Variants in GNG2 observed in about 807,000 individuals in gnomAD.
GNG2 encodes guanine nucleotide-binding protein G(I)/G(S)/G(O) subunit gamma-2.
In GNG2, 5 loss-of-function variants were observed where a neutral mutation model predicts 5.5. The ratio of observed to expected loss-of-function variants is 0.91; its 90% CI spans 0.48 to 1.92. The LOEUF is 1.92. Among genes scored for constraint, GNG2 ranks in the 30% most tolerant of loss-of-function variants. The pLI, the probability that GNG2 is intolerant of heterozygous loss-of-function variation, is 0.01. For missense variants in GNG2, 55 were observed against 88.4 expected (o/e 0.62, Z 1.52); for synonymous variants, 28 against 32.0 (o/e 0.88, Z 0.42).
At chr14:51,858,174 T>C (rs1882248592), upstream of GNG2, among the ~76,000 whole-genome samples, 1 of 151,288 alleles carries the variant, frequency 6.6e-6, no homozygotes, top group Admixed American at 6.6e-5. Context: ...AAACTTGGTA[T>C]GCAAACTTGT....
At position 51,957,514 on chromosome 14, in the gene GNG2, T is replaced by C. The variant is rs78301624; in HGVS notation, c.87+6749T>C. Reference sequence around the variant, plus strand: ...ACAATTTTGTTTTCTCCTGAGCCAGTTGAGAATAAGTTGTCAAAAGATGTC... The same window carrying C: ...ACAATTTTGTTTTCTCCTGAGCCAGCTGAGAATAAGTTGTCAAAAGATGTC... On this transcript the variant is annotated intron_variant, in intron 3 of 3. Transcript: ENST00000556766. 1.9e-3 allele frequency among the ~76,000 whole-genome samples: 292 copies of C among 152,308 alleles called. 1 individual carries two copies. The highest frequency in any genetic ancestry group is 6.7e-3 in the African/African-American group (277 of 41,568).
intron 2 of GNG2, among the ~76,000 whole-genome samples, chr14:51,834,452 C>T (rs1399366920): frequency 2.0e-5 from 3 of 152,148 alleles, no homozygotes; most frequent in Non-Finnish European, 4.4e-5. Flanking sequence ...GCTTGTCGAC[C>T]AGCTGGGAGA....
At chr14:51,917,078 G>C (rs1283959197) in intron 2 of GNG2, among the ~76,000 whole-genome samples, 1 of 152,194 alleles carries the variant, frequency 6.6e-6, no homozygotes, top group Admixed American at 6.5e-5. Flanking sequence ...GTGGCTAGAG[G>C]GGAGGATGTA....
intron 3 of GNG2, among the ~76,000 whole-genome samples, chr14:51,955,953 G>A (rs1328712675): frequency 6.6e-6 from 1 of 152,190 alleles, no homozygotes; most frequent in Non-Finnish European, 1.5e-5. Context: ...GAACCCTGTA[G>A]TGAGAAATGG....
At chr14:51,850,091 G>A (rs567437130) in intron 2 of GNG2, among the ~76,000 whole-genome samples, 1 of 152,192 alleles carries the variant, frequency 6.6e-6, no homozygotes, top group Admixed American at 6.5e-5. Context: ...ACTAATCACG[G>A]AATTAAAACT....
At chr14:51,873,573 T>C (rs2140126135) in intron 1 of GNG2, among the ~76,000 whole-genome samples, 1 of 152,366 alleles carries the variant, frequency 6.6e-6, no homozygotes, top group Non-Finnish European at 1.5e-5. Context: ...GTGTTGGATA[T>C]TGTGGTTCAC....
chr14:51,911,956 G>A (rs1343502473), intron 2 of GNG2, among the ~76,000 whole-genome samples: 1 of 148,046 alleles, frequency 6.8e-6, no homozygotes, highest in African/African-American at 2.5e-5. Flanking sequence ...ATGAAAAAAA[G>A]TATAGCTAAT....
chr14:51,855,121 A>G (rs1882094658), intron 2 of GNG2, among the ~76,000 whole-genome samples: 1 of 152,206 alleles, frequency 6.6e-6, no homozygotes, highest in Admixed American at 6.5e-5. Flanking sequence ...ACACATGTAT[A>G]CATATATGTG....
chr14:51,852,155 C>T (rs1283692694), intron 2 of GNG2, among the ~76,000 whole-genome samples: 1 of 152,128 alleles, frequency 6.6e-6, no homozygotes, highest in East Asian at 1.9e-4. Flanking sequence ...GAGCCTGTAA[C>T]TCACTCTTTT....
At chr14:51,852,270 A>G (rs1174260008) in intron 2 of GNG2, among the ~76,000 whole-genome samples, 2 of 152,224 alleles carry the variant, frequency 1.3e-5, no homozygotes, top group Non-Finnish European at 2.9e-5. Flanking sequence ...AAAGAGCCCT[A>G]CAGAAACTTG....
At chr14:51,932,460 A>G (rs1887725645) in intron 2 of GNG2, among the ~76,000 whole-genome samples, 2 of 151,996 alleles carry the variant, frequency 1.3e-5, no homozygotes, top group African/African-American at 4.8e-5. Flanking sequence ...AACTCATAGA[A>G]ACAGGAAATA....
intron 2 of GNG2, among the ~76,000 whole-genome samples, chr14:51,927,382 A>G (rs552015269): frequency 3.2e-4 from 48 of 152,342 alleles, no homozygotes; most frequent in Middle Eastern, 3.4e-3. Context: ...GAGGGAGTGC[A>G]CTGAGCTTTG....
intron 2 of GNG2, among the ~76,000 whole-genome samples, chr14:51,840,424 A>G (rs1881450340): frequency 6.6e-6 from 1 of 152,114 alleles, no homozygotes. Flanking sequence ...CTCCCTCTTT[A>G]TTGGGCAGAG....
intron 2 of GNG2, among the ~76,000 whole-genome samples, chr14:51,840,325 C>G (rs749969988): frequency 3.3e-5 from 5 of 152,188 alleles, no homozygotes; most frequent in Non-Finnish European, 5.9e-5. Flanking sequence ...TTCTGTCAAT[C>G]ATGTCCCCTG....
chr14:51,960,499 A>C (rs1889543793), intron 3 of GNG2, among the ~76,000 whole-genome samples: 1 of 147,924 alleles, frequency 6.8e-6, no homozygotes, highest in African/African-American at 2.5e-5. Flanking sequence ...TTTCATGTCT[A>C]CATATTTGAT....
intron 2 of GNG2, among the ~76,000 whole-genome samples, chr14:51,927,554 C>T (rs961575721): frequency 6.6e-6 from 1 of 152,206 alleles, no homozygotes; most frequent in Non-Finnish European, 1.5e-5. Context: ...GTACAAATCA[C>T]ACCATGTTGA....
intron 2 of GNG2, among the ~76,000 whole-genome samples, chr14:51,897,434 G>A (rs981301398): frequency 1.3e-5 from 2 of 152,164 alleles, no homozygotes; most frequent in Non-Finnish European, 2.9e-5. Context: ...CATCATGGGA[G>A]TAAACCTGTG....
chr14:51,914,208 C>G lies in GNG2; in HGVS notation c.-29-36442C>G. On this transcript the variant is annotated intron_variant, in intron 2 of 3. Coordinates refer to ENST00000556766, the MANE Select transcript of GNG2 (RefSeq NM_053064.5). ...CCACCACTCTGATTCTAGCTGGAGG[C>G]TGCCAGAAATGACTGTGCCATTGAA... 8.5e-6 allele frequency: 6 copies of G among 702,088 alleles called. No homozygotes were observed. The East Asian group carries it at 1.6e-4, about 19-fold the overall frequency. 43.5% of individuals were successfully genotyped at this position (702,088 alleles called of 1,614,324 possible).
intron 2 of GNG2, among the ~76,000 whole-genome samples, chr14:51,947,795 G>C (rs1288981804): frequency 6.6e-6 from 1 of 152,236 alleles, no homozygotes; most frequent in Non-Finnish European, 1.5e-5. Context: ...AAAAGGCATT[G>C]AGACACAGAC....
Sources: gnomAD v4.1 joint callset for allele counts (sites outside exome capture counted in the v4.1 genomes callset) on GRCh38, gnomAD v4.1.1 for gene constraint, MANE v1.5 for transcripts, NCBI Gene and HGNC (gene_info 2026-07-23, HGNC 2026-07-21) for gene names.